The following ZRANB2 variants were observed in gnomAD, a reference collection of about 807,000 sequenced individuals.
ZRANB2 encodes zinc finger Ran-binding domain-containing protein 2.
Under a neutral mutation model 53.4 loss-of-function variants are expected in ZRANB2, and 19 were observed. The observed-to-expected ratio is 0.36, with a 90% CI of 0.25 to 0.52. The LOEUF is 0.52. ZRANB2 is among the 20% of genes least tolerant of loss of function. The pLI is 0.93. For missense variants in ZRANB2, 309 were observed against 401.1 expected (o/e 0.77, Z 1.96); for synonymous variants, 145 against 134.8 (o/e 1.08, Z -0.52).
intron 4 of ZRANB2, among the ~76,000 whole-genome samples, chr1:71,075,494 C>G (rs141087202): frequency 6.6e-6 from 1 of 152,052 alleles, no homozygotes; most frequent in African/African-American, 2.4e-5. Context: ...TCAAAGAAGT[C>G]TGAGCTGGAG....
At chr1:71,074,962 A>G (rs1017699128) in intron 4 of ZRANB2, among the ~76,000 whole-genome samples, 2 of 152,206 alleles carry the variant, frequency 1.3e-5, no homozygotes, top group African/African-American at 4.8e-5. Context: ...AAGGTTCAAG[A>G]CACCAGAATG....
chr1:71,067,427 G>A (rs1251057212), intron 8 of ZRANB2: 1 of 259,182 alleles, frequency 3.9e-6, no homozygotes, highest in African/African-American at 2.4e-5. Context: ...CAAAAGACTA[G>A]TAACTGTACT....
At chr1:71,072,291 A>C (rs1318933038) in intron 5 of ZRANB2, 36 bp from the exon 6 acceptor site, 1 of 1,570,618 alleles carries the variant, frequency 6.4e-7, no homozygotes, top group South Asian at 1.2e-5. Flanking sequence ...TTGTCAGCTG[A>C]TAATGCATTA....
rs765390105 is a variant in ZRANB2 at position 71,072,107 on chromosome 1, A to C, written c.513+14T>G. 1.9e-6 allele frequency: 3 copies of C among 1,602,062 alleles called. No homozygotes were observed. In the East Asian group the frequency reaches 6.7e-5, roughly 36 times the overall value. ...AATAAGACAAAAGGGAAATAGGACA[A>C]GAAAATTGTTCACCTCATCTAACTT... On this transcript the variant is annotated intron_variant, in intron 6 of 9. Transcript: ENST00000370920.
chr1:71,069,300 GA>G lies in ZRANB2; in HGVS notation c.745del (p.Ser249ArgfsTer90). 1 of 1,612,058 alleles carries G rather than the reference GA, an allele frequency of 6.2e-7. No homozygotes were observed. Among genetic ancestry groups the G allele is most frequent in the Non-Finnish European group, 8.5e-7 (1 of 1,178,986 alleles). On this transcript the variant is annotated frameshift_variant, in exon 8 of 10. Coordinates refer to ENST00000370920, the MANE Select transcript of ZRANB2 (RefSeq NM_203350.3). LOFTEE classifies it high-confidence loss of function. ...SRSRSSSRERSRSRGSKSRSS... is the reference protein window; with the variant it reads ...SRSRSSSRERXRSRGSKSRSS... ...CCTTGATTTCGACCCACGAGATCTC[GA>G]ACGTTCTCTGGAACTGGAACGAGAT... is the stretch of plus-strand genomic sequence containing the variant.
chr1:71,066,739 T>G (rs1187456889), intron 9 of ZRANB2, 37 bp downstream of exon 9: 2 of 1,603,436 alleles, frequency 1.2e-6, no homozygotes, highest in South Asian at 2.3e-5. Context: ...TAAACACACT[T>G]AAGAACACCC....
In ZRANB2 at chr1:71,065,152, G is replaced by A. The variant is rs373037504; in HGVS notation, c.930-15C>T. 8 of 1,594,610 alleles carry A rather than the reference G, an allele frequency of 5.0e-6. No individual in the cohort carries two copies. Among genetic ancestry groups the A allele is most frequent in the Non-Finnish European group, 6.9e-6 (8 of 1,163,862 alleles). On this transcript the variant is annotated splice_polypyrimidine_tract_variant and intron_variant, in intron 9 of 9. Coordinates refer to ENST00000370920, the MANE Select transcript of ZRANB2 (RefSeq NM_203350.3). Reference sequence around the variant, plus strand: ...ACCTGTGGCGTCTGTAAGACATAATGGAGAGAGTAGGCATTCTAGTAAGCT... The same window carrying A: ...ACCTGTGGCGTCTGTAAGACATAATAGAGAGAGTAGGCATTCTAGTAAGCT...
In ZRANB2 at chr1:71,063,429, A is replaced by C. The variant is rs1001778204; in HGVS notation, c.*1645T>G. 6.6e-6 allele frequency: 1 copy of C among 152,486 alleles called. No homozygotes were observed. Among genetic ancestry groups the C allele is most frequent in the Admixed American group, 6.6e-5 (1 of 15,258 alleles). 9.4% of individuals were successfully genotyped at this position (152,486 alleles called of 1,614,324 possible). A position where few individuals can be genotyped will look rare whatever the true frequency, so the allele number is the denominator to read the frequency against. On this transcript the variant is annotated 3_prime_UTR_variant, in exon 10 of 10. Transcript: ENST00000370920. ...GCTTAGTTAAACCAAATGAAATCAT[A>C]ATCATCAGAATTGTCTGTAAACTAC...
At chr1:71,078,826 G>A in intron 1 of ZRANB2, 118 bp from the exon 2 acceptor site, 1 of 863,188 alleles carries the variant, frequency 1.2e-6, no homozygotes, top group Admixed American at 2.7e-5. Flanking sequence ...TCATGTTAAT[G>A]TCAATGTTAC....
At chr1:71,075,831 T>C (rs1017613480) in intron 4 of ZRANB2, among the ~76,000 whole-genome samples, 35 of 150,234 alleles carry the variant, frequency 2.3e-4, no homozygotes, top group Non-Finnish European at 4.7e-4. Flanking sequence ...AAAGTGGCGG[T>C]TGGGCTGGGG....
chr1:71,068,604 TAGAA>T (rs1255229400), intron 8 of ZRANB2, among the ~76,000 whole-genome samples: 2 of 152,100 alleles, frequency 1.3e-5, no homozygotes, highest in African/African-American at 4.8e-5. Flanking sequence ...TGTGTAAAAT[TAGAA>T]AGGAAAATGT....
chr1:71,067,877 A>ATTT lies in ZRANB2; in HGVS notation c.771-946_771-944dup, dbSNP rs142824635. Among the ~76,000 whole-genome samples the ATTT allele has an allele frequency of 2.9e-5, 4 of 138,102 alleles. 1 individual carries two copies. The highest frequency in any genetic ancestry group is 4.6e-4 in the South Asian group (2 of 4,322). The allele number at this position is 138,102 out of a possible 152,430, so 90.6% of individuals were successfully genotyped here. A position where few individuals can be genotyped will look rare whatever the true frequency, so the allele number is the denominator to read the frequency against. ...AAAAAATAATTTGCTCTCTACTTCT[A>ATTT]TTTTTTTTTTTTTTTTTGAGACAGG... is the stretch of plus-strand genomic sequence containing the variant. On this transcript the variant is annotated intron_variant, in intron 8 of 9. Coordinates refer to ENST00000370920, the MANE Select transcript of ZRANB2 (RefSeq NM_203350.3).
Position 71,072,003 on chromosome 1 carries a change from G to A in ZRANB2, c.513+118C>T, listed in dbSNP as rs537736297. 9.1e-6 allele frequency: 13 copies of A among 1,425,140 alleles called. No homozygotes were observed. In the African/African-American group the frequency reaches 1.4e-4, roughly 16 times the overall value. The allele number at this position is 1,425,140 out of a possible 1,614,324, so 88.3% of individuals were successfully genotyped here. On this transcript the variant is annotated intron_variant, in intron 6 of 9. Coordinates refer to ENST00000370920, the MANE Select transcript of ZRANB2 (RefSeq NM_203350.3). Reference sequence around the variant, plus strand: ...CAGAGTGGAAATCCAAAACCTTTGTGAGAACAAATGAAAACACAGAATATA... The same window carrying A: ...CAGAGTGGAAATCCAAAACCTTTGTAAGAACAAATGAAAACACAGAATATA...
At chr1:71,067,721 A>G (rs1415259339) in intron 8 of ZRANB2, 2 of 421,034 alleles carry the variant, frequency 4.8e-6, no homozygotes. Flanking sequence ...CAAGCAATGA[A>G]AAAATGTTTG....
intron 4 of ZRANB2, among the ~76,000 whole-genome samples, chr1:71,073,102 T>C (rs1661630007): frequency 6.6e-6 from 1 of 152,094 alleles, no homozygotes; most frequent in Non-Finnish European, 1.5e-5. Context: ...TAGGTAAAAG[T>C]CACACAGGTT....
Position 71,068,331 on chromosome 1 carries a change from G to A in ZRANB2, c.770+945C>T, listed in dbSNP as rs565345514. On this transcript the variant is annotated intron_variant, in intron 8 of 9. Transcript: ENST00000370920. Reference sequence around the variant, plus strand: ...CTTCAATATGAATTTCCACAAATATGGAATTTCATTTTCTTATTTATTTTT... The same window carrying A: ...CTTCAATATGAATTTCCACAAATATAGAATTTCATTTTCTTATTTATTTTT... Among the ~76,000 whole-genome samples, 3 of 152,164 alleles carry A rather than the reference G, an allele frequency of 2.0e-5. No homozygotes were observed. The South Asian group carries it at 6.2e-4, about 32-fold the overall frequency.
intron 4 of ZRANB2, among the ~76,000 whole-genome samples, chr1:71,073,282 GA>G (rs1359713554): frequency 6.6e-6 from 1 of 151,972 alleles, no homozygotes; most frequent in Admixed American, 6.6e-5. Context: ...CTAGTTTTAG[GA>G]AAAGTGAGTT....
intron 1 of ZRANB2, among the ~76,000 whole-genome samples, chr1:71,078,964 C>A (rs1263485162): frequency 6.6e-6 from 1 of 152,130 alleles, no homozygotes; most frequent in Non-Finnish European, 1.5e-5. Context: ...GGATCTCTGC[C>A]TCAAGTCCTC....
At chr1:71,065,947 A>G (rs550653645) in intron 9 of ZRANB2, 1 of 707,556 alleles carries the variant, frequency 1.4e-6, no homozygotes, top group South Asian at 2.2e-5. Flanking sequence ...TCTAAACTCC[A>G]AAATGTGAAG....
Sources: allele counts gnomAD v4.1 joint callset (sites outside exome capture counted in the v4.1 genomes callset), GRCh38; gene constraint gnomAD v4.1.1; transcripts MANE v1.5; gene names NCBI Gene and HGNC (gene_info 2026-07-23, HGNC 2026-07-21).